SNTG1: variants seen among roughly 807,000 people sequenced by gnomAD.
SNTG1 encodes the protein syntrophin gamma 1.
Under a neutral mutation model 74.7 loss-of-function variants are expected in SNTG1, and 39 were observed. The ratio of observed to expected loss-of-function variants is 0.52; its 90% CI spans 0.40 to 0.68. The LOEUF (loss-of-function observed/expected upper bound fraction) is 0.68, where lower values mean the gene tolerates loss of function less well. SNTG1 is among the 30% of genes least tolerant of loss of function. The pLI, the probability that SNTG1 is intolerant of heterozygous loss-of-function variation, is 0.00. For missense variants in SNTG1, 685 were observed against 609.5 expected (o/e 1.12, Z -1.30); for synonymous variants, 254 against 217.1 (o/e 1.17, Z -1.49).
chr8:50,652,086 C>G (rs10110909), intron 13 of SNTG1, among the ~76,000 whole-genome samples: 117,600 of 152,136 alleles, frequency 0.77, 46,341 homozygotes, highest in East Asian at 0.92. Flanking sequence ...GATCTGTGAA[C>G]TATGTTGCTT....
At position 49,912,144 on chromosome 8, in the gene SNTG1, G is replaced by C. The variant is rs1805631486; in HGVS notation, c.-190G>C. On this transcript the variant is annotated 5_prime_UTR_variant, in exon 1 of 19. Coordinates refer to ENST00000642720, the MANE Select transcript of SNTG1 (RefSeq NM_018967.5). ...TCTTGAGTGGATTGCAACTGTTTTG[G>C]AAATAGCTTTGTGAAAAGAGGGTGG... 1 of 152,216 alleles carries C rather than the reference G, an allele frequency of 6.6e-6. No individual in the cohort carries two copies. Among genetic ancestry groups the C allele is most frequent in the South Asian group, 2.1e-4 (1 of 4,820 alleles). The allele number at this position is 152,216 out of a possible 1,614,324, so 9.4% of individuals were successfully genotyped here.
chr8:50,747,476 A>C (rs1344418950), intron 17 of SNTG1, among the ~76,000 whole-genome samples: 1 of 152,030 alleles, frequency 6.6e-6, no homozygotes. Flanking sequence ...TTGGCGTATA[A>C]AAATTAATAT....
chr8:50,013,683 G>A (rs922426479), intron 1 of SNTG1, among the ~76,000 whole-genome samples: 23 of 152,010 alleles, frequency 1.5e-4, no homozygotes, highest in African/African-American at 5.3e-4. Flanking sequence ...TATAATTACG[G>A]TAATGAGATC....
intron 18 of SNTG1, among the ~76,000 whole-genome samples, chr8:50,759,118 T>C (rs1451629493): frequency 6.6e-6 from 1 of 152,068 alleles, no homozygotes; most frequent in Non-Finnish European, 1.5e-5. Context: ...TTTTTGAAAA[T>C]TGTCTGTTCA....
intron 8 of SNTG1, chr8:50,491,256 C>G (rs1453226095): frequency 2.6e-5 from 4 of 152,420 alleles, no homozygotes; most frequent in African/African-American, 9.6e-5. Flanking sequence ...AACAACGTGA[C>G]AGTATCAGAA....
At chr8:50,735,423 C>T (rs554704255) in intron 17 of SNTG1, among the ~76,000 whole-genome samples, 1 of 151,886 alleles carries the variant, frequency 6.6e-6, no homozygotes, top group Admixed American at 6.6e-5. Context: ...TAGGGAAGAA[C>T]ACAAATGACC....
At chr8:50,404,481 G>T (rs2092845163) in intron 4 of SNTG1, among the ~76,000 whole-genome samples, 1 of 152,076 alleles carries the variant, frequency 6.6e-6, no homozygotes, top group South Asian at 2.1e-4. Context: ...GAACAAAGTT[G>T]GAGTGTTTAT....
intron 18 of SNTG1, among the ~76,000 whole-genome samples, chr8:50,789,616 CATA>C (rs2095685637): frequency 6.6e-6 from 1 of 151,968 alleles, no homozygotes; most frequent in South Asian, 2.1e-4. Flanking sequence ...CTGCTTTTCC[CATA>C]ATTTCTCCAT....
chr8:50,059,402 T>G (rs1371399991), intron 1 of SNTG1, among the ~76,000 whole-genome samples: 6 of 152,064 alleles, frequency 3.9e-5, no homozygotes, highest in Admixed American at 3.9e-4. Context: ...TGGCTTTTAG[T>G]ATATCTACAG....
At chr8:50,296,344 C>T (rs2089372360) in intron 2 of SNTG1, among the ~76,000 whole-genome samples, 1 of 152,176 alleles carries the variant, frequency 6.6e-6, no homozygotes. Flanking sequence ...TTTACAATTG[C>T]AAAGACTTGG....
rs184550225 is a variant in SNTG1 at position 50,222,197 on chromosome 8, A to T, written c.-28+49562A>T. On this transcript the variant is annotated intron_variant, in intron 2 of 18. Coordinates refer to ENST00000642720, the MANE Select transcript of SNTG1 (RefSeq NM_018967.5). ...TTGCAAACCTTGTGACCTCTGGAAT[A>T]ATGGCTGGTAATCATTTAACTACAC... Among the ~76,000 whole-genome samples the T allele has an allele frequency of 1.6e-3, 241 of 152,296 alleles. 1 individual carries two copies. The highest frequency in any genetic ancestry group is 5.6e-3 in the African/African-American group (231 of 41,560).
chr8:50,390,076 T>C (rs1233706790), intron 2 of SNTG1, among the ~76,000 whole-genome samples: 2 of 151,384 alleles, frequency 1.3e-5, no homozygotes, highest in African/African-American at 4.8e-5. Flanking sequence ...GTGCAGAAGC[T>C]CTTTACTTTA....
At chr8:50,010,046 A>G (rs1017631955) in intron 1 of SNTG1, among the ~76,000 whole-genome samples, 1 of 152,044 alleles carries the variant, frequency 6.6e-6, no homozygotes, top group Non-Finnish European at 1.5e-5. Context: ...TTTCCTTTTT[A>G]TCAAGTCTCA....
At chr8:50,089,405 T>C (rs2079625759) in intron 1 of SNTG1, among the ~76,000 whole-genome samples, 1 of 149,870 alleles carries the variant, frequency 6.7e-6, no homozygotes, top group Non-Finnish European at 1.5e-5. Flanking sequence ...AATTGACAAA[T>C]GGGATCTAAT....
intron 18 of SNTG1, among the ~76,000 whole-genome samples, chr8:50,791,128 T>C (rs938322988): frequency 7.2e-5 from 11 of 151,878 alleles, no homozygotes; most frequent in Non-Finnish European, 1.6e-4. Context: ...ATTTAAAATG[T>C]GTTTGGGAAA....
chr8:50,424,979 TAA>T (rs2093142747), intron 4 of SNTG1, among the ~76,000 whole-genome samples: 1 of 152,172 alleles, frequency 6.6e-6, no homozygotes, highest in African/African-American at 2.4e-5. Flanking sequence ...AACTGGAATA[TAA>T]AAAGTGTATG....
chr8:50,617,446 A>ATG (rs2094892476), intron 13 of SNTG1, among the ~76,000 whole-genome samples: 2 of 151,950 alleles, frequency 1.3e-5, no homozygotes, highest in Non-Finnish European at 2.9e-5. Context: ...AATAATAAAA[A>ATG]TGTGCTCCAC....
chr8:50,734,496 C>T (rs967382287), intron 17 of SNTG1, among the ~76,000 whole-genome samples: 29 of 150,712 alleles, frequency 1.9e-4, no homozygotes, highest in African/African-American at 7.0e-4. Context: ...ATTGACATAT[C>T]TATGATTTTA....
chr8:50,206,044 A>G (rs2084217820), intron 2 of SNTG1, among the ~76,000 whole-genome samples: 1 of 152,088 alleles, frequency 6.6e-6, no homozygotes, highest in Non-Finnish European at 1.5e-5. Flanking sequence ...TTGACTTGGC[A>G]ATGAGGGCTC....
Sources: gnomAD v4.1 joint callset for allele counts (sites outside exome capture counted in the v4.1 genomes callset) on GRCh38, gnomAD v4.1.1 for gene constraint, MANE v1.5 for transcripts, NCBI Gene and HGNC (gene_info 2026-07-23, HGNC 2026-07-21) for gene names.